SDR39U1: variants seen among roughly 807,000 people sequenced by gnomAD.
The protein encoded by SDR39U1 is short chain dehydrogenase/reductase family 39U member 1.
SDR39U1 carries 29 observed loss-of-function variants against 31.7 expected under a neutral mutation model. The ratio of observed to expected loss-of-function variants is 0.92; its 90% CI spans 0.68 to 1.25. The LOEUF (loss-of-function observed/expected upper bound fraction) is 1.25. SDR39U1 is among the 50% of genes most tolerant of loss of function. The pLI is 0.00. For missense variants in SDR39U1, 403 were observed against 378.4 expected (o/e 1.06, Z -0.54); for synonymous variants, 147 against 159.0 (o/e 0.92, Z 0.57).
intron 3 of SDR39U1, 27 bp from the exon 4 acceptor site, chr14:24,441,822 A>T (rs374578512): frequency 3.8e-6 from 6 of 1,599,028 alleles, no homozygotes; most frequent in African/African-American, 1.3e-5. Context: ...GGAAATAAAA[A>T]GCCACTAAAT....
At chr14:24,442,007 A>T in intron 3 of SDR39U1, 171 bp downstream of exon 3, 1 of 1,472,444 alleles carries the variant, frequency 6.8e-7, no homozygotes, top group Non-Finnish European at 9.2e-7. Context: ...CAATTGGCTG[A>T]CTGGGTGGAG....
intron 2 of SDR39U1, 22 bp from the exon 3 acceptor site, chr14:24,442,282 G>A (rs1303360559): frequency 6.2e-7 from 1 of 1,603,582 alleles, no homozygotes; most frequent in Non-Finnish European, 8.5e-7. Context: ...AGCACACAGT[G>A]CCCCTGCCCC....
intron 4 of SDR39U1, chr14:24,441,276 A>G: frequency 2.2e-6 from 1 of 453,736 alleles, no homozygotes; most frequent in South Asian, 2.1e-5. Context: ...TTAAAATGGG[A>G]ATAATAGTAC....
rs1015175215 is a variant in SDR39U1 at position 24,439,969 on chromosome 14, G to C, written c.*114C>G. The C allele has an allele frequency of 1.5e-5, 12 of 796,156 alleles. No homozygotes were observed. In the African/African-American group the frequency reaches 2.1e-4, roughly 14 times the overall value. The allele number at this position is 796,156 out of a possible 1,614,324, so 49.3% of individuals were successfully genotyped here. A position where few individuals can be genotyped will look rare whatever the true frequency, so the allele number is the denominator to read the frequency against. On this transcript the variant is annotated 3_prime_UTR_variant, in exon 6 of 6. Transcript: ENST00000399395. ...AACAGAACAATGGGAAAGAGGACTG[G>C]GAGAGGAATCTAAGAACCAGATGGC...
rs181549511 is a variant in SDR39U1, at chr14:24,440,268, C to T, written c.697G>A (p.Gly233Ser). 82 of 1,613,964 alleles carry T rather than the reference C, an allele frequency of 5.1e-5. No individual in the cohort carries two copies. The African/African-American group carries it at 9.1e-4, about 18-fold the overall frequency. ...AAGGCTCGGCGGCCCAGGGCAGCACCCAAGGTCTGGGCAAACTCAGCATTA... is the reference window on the plus strand; with the variant it reads ...AAGGCTCGGCGGCCCAGGGCAGCACTCAAGGTCTGGGCAAACTCAGCATTA... ...ATNAEFAQTL[G>S]AALGRRAFIP... The change falls in exon 6 of 6, where the codon GGT (glycine) becomes AGT (serine). Residue 233 changes from glycine (G) to serine (S), a missense_variant. Physicochemically the swap from Gly to Ser is moderately conservative, Grantham distance 56 (BLOSUM62 0). Transcript: ENST00000399395.
At chr14:24,440,525 C>T (rs2273628) in intron 5 of SDR39U1, 33 bp from the exon 6 acceptor site, 1,386,994 of 1,574,568 alleles carry the variant, frequency 0.88, 616,668 homozygotes, top group Non-Finnish European at 0.9. Context: ...TACAGGGGTC[C>T]TCTCAGCCTT....
At chr14:24,441,983 G>A (rs1212985737) in intron 3 of SDR39U1, 188 bp from the exon 4 acceptor site, 3 of 1,373,090 alleles carry the variant, frequency 2.2e-6, no homozygotes, top group South Asian at 1.2e-5. Context: ...TGAGTTATAC[G>A]TGAGGACTTA....
chr14:24,442,147 A>G, intron 3 of SDR39U1, 31 bp downstream of exon 3: 1 of 1,599,604 alleles, frequency 6.3e-7, no homozygotes, highest in Non-Finnish European at 8.5e-7. Context: ...CCTGTGCTCT[A>G]GTGGGTATCA....
intron 3 of SDR39U1, 158 bp from the exon 4 acceptor site, chr14:24,441,953 C>T: frequency 7.5e-7 from 1 of 1,336,478 alleles, no homozygotes; most frequent in South Asian, 1.3e-5. Context: ...AGGGAAAGGG[C>T]ATTCATTTCC....
Position 24,439,947 on chromosome 14 carries a change from A to G in SDR39U1, c.*136T>C. The G allele has an allele frequency of 1.4e-6, 1 of 691,248 alleles. No homozygotes were observed. Among genetic ancestry groups the G allele is most frequent in the South Asian group, 2.1e-5 (1 of 46,530 alleles). The allele number at this position is 691,248 out of a possible 1,614,324, so 42.8% of individuals were successfully genotyped here. The stretch of plus-strand genomic sequence containing the variant: ...CCTTGAGACAATAAGGTGGAGCAAC[A>G]GAACAATGGGAAAGAGGACTGGGAG... On this transcript the variant is annotated 3_prime_UTR_variant, in exon 6 of 6. Transcript: ENST00000399395.
intron 1 of SDR39U1, 74 bp from the exon 2 acceptor site, chr14:24,442,526 C>T: frequency 1.4e-6 from 2 of 1,407,586 alleles, no homozygotes; most frequent in Non-Finnish European, 2.0e-6. Context: ...CGCTGTGGCA[C>T]CCTCTTCCGG....
Position 24,442,333 on chromosome 14 carries a change from AG to A in SDR39U1, c.123+12del. ...ACTCTGCCCTCCCACCCGCTTCCAGAGGATGGACTTACCCACGTGATCCGGC... is the reference window on the plus strand; with the variant it reads ...ACTCTGCCCTCCCACCCGCTTCCAGAGATGGACTTACCCACGTGATCCGGC... On this transcript the variant is annotated intron_variant, in intron 2 of 5. Coordinates refer to ENST00000399395, the MANE Select transcript of SDR39U1 (RefSeq NM_020195.3). 1.2e-6 allele frequency: 2 copies of A among 1,608,758 alleles called. No homozygotes were observed. The highest frequency in any genetic ancestry group is 1.7e-6 in the Non-Finnish European group (2 of 1,177,622).
In SDR39U1 at chr14:24,442,166, G is replaced by A; in HGVS notation, c.206+12C>T. ...TGCTCTAGTGGGTATCAGCTTTAGG[G>A]CCCGGGCTGACCTTCGGAGAGGGTT... On this transcript the variant is annotated intron_variant, in intron 3 of 5. Transcript: ENST00000399395. The A allele has an allele frequency of 6.2e-7, 1 of 1,608,010 alleles. No individual in the cohort carries two copies. Among genetic ancestry groups the A allele is most frequent in the South Asian group, 1.1e-5 (1 of 89,616 alleles).
In SDR39U1 at chr14:24,440,472, C is replaced by G; in HGVS notation, c.493G>C (p.Gly165Arg). The G allele has an allele frequency of 6.2e-7, 1 of 1,607,456 alleles. No homozygotes were observed. The highest frequency in any genetic ancestry group is 1.1e-5 in the South Asian group (1 of 90,042). The change falls in exon 6 of 6, where the codon GGT becomes CGT. Residue 165 changes from glycine to arginine, a missense_variant. Physicochemically the swap from Gly to Arg is moderately radical, Grantham distance 125 (BLOSUM62 -2). Coordinates refer to ENST00000399395, the MANE Select transcript of SDR39U1 (RefSeq NM_020195.3). ...AGCAGCATGTGGCCCATGGCACCAC[C>G]CCCACGGCCCAGCACAACCCCTAGA... ...VRSGVVLGRG[G>R]GAMGHMLLPF...
intron 3 of SDR39U1, 157 bp from the exon 4 acceptor site, chr14:24,441,952 G>A: frequency 1.5e-6 from 2 of 1,340,376 alleles, no homozygotes; most frequent in Non-Finnish European, 1.0e-6. Context: ...GAGGGAAAGG[G>A]CATTCATTTC....
rs530672920 is a variant in SDR39U1 at position 24,440,706 on chromosome 14, A to C, written c.472+77T>G. ...CCTCTCACTCTGTAATTGTAATCTCAGCTCTCCTAATCCCATCACTTCCCC... is the reference window on the plus strand; with the variant it reads ...CCTCTCACTCTGTAATTGTAATCTCCGCTCTCCTAATCCCATCACTTCCCC... On this transcript the variant is annotated intron_variant, in intron 5 of 5. Transcript: ENST00000399395. 2.4e-5 allele frequency: 36 copies of C among 1,531,180 alleles called. 1 individual carries two copies. In the Admixed American group the frequency reaches 5.9e-4, roughly 25 times the overall value. 94.8% of individuals were successfully genotyped at this position (1,531,180 alleles called of 1,614,324 possible). A position where few individuals can be genotyped will look rare whatever the true frequency, so the allele number is the denominator to read the frequency against.
chr14:24,442,250 G>GCGAGCTCATCCTGT lies in SDR39U1; in HGVS notation c.124-4_133dup (p.Ala45AspfsTer39), dbSNP rs942751370. On this transcript the variant is annotated frameshift_variant, in exon 3 of 6. Transcript: ENST00000399395. LOFTEE classifies it high-confidence loss of function. ...ATCGCAGCTCGGCAGCCCCGATGCAGCGAGCTCATCCTGTCGGAGAAAGCA... is the reference window on the plus strand; with the variant it reads ...ATCGCAGCTCGGCAGCCCCGATGCAGCGAGCTCATCCTGTCGAGCTCATCCTGTCGGAGAAAGCA... 5.6e-6 allele frequency: 9 copies of GCGAGCTCATCCTGT among 1,609,944 alleles called. No individual in the cohort carries two copies. The highest frequency in any genetic ancestry group is 6.8e-6 in the Non-Finnish European group (8 of 1,178,486).
At chr14:24,440,712 C>G in intron 5 of SDR39U1, 71 bp downstream of exon 5, 2 of 1,560,736 alleles carry the variant, frequency 1.3e-6, no homozygotes, top group Non-Finnish European at 8.8e-7. Context: ...TCTCAGCTCT[C>G]CTAATCCCAT....
chr14:24,442,280 G>A lies in SDR39U1; in HGVS notation c.124-20C>T, dbSNP rs2139420327. 1 of 1,604,780 alleles carries A rather than the reference G, an allele frequency of 6.2e-7. No homozygotes were observed. The highest frequency in any genetic ancestry group is 2.3e-5 in the East Asian group (1 of 44,406). On this transcript the variant is annotated intron_variant, in intron 2 of 5. Transcript: ENST00000399395. ...CTCATCCTGTCGGAGAAAGCACACA[G>A]TGCCCCTGCCCCGCCCTGCGCCGCC...
Sources: allele counts gnomAD v4.1 joint callset, GRCh38; gene constraint gnomAD v4.1.1; transcripts MANE v1.5; gene names NCBI Gene and HGNC (gene_info 2026-07-23, HGNC 2026-07-21).